Variants in RFESD observed in about 807,000 individuals in gnomAD.
RFESD encodes the protein Rieske Fe-S domain containing, also known as Rieske domain-containing protein.
RFESD carries 16 observed loss-of-function variants against 24.4 expected under a neutral mutation model. The observed-to-expected ratio is 0.66, with a 90% CI of 0.44 to 1.00. The LOEUF (loss-of-function observed/expected upper bound fraction) is 1.00, where lower values mean the gene tolerates loss of function less well. RFESD is among the 50% of genes least tolerant of loss of function. RFESD has a pLI of 0.00. For missense variants in RFESD, 208 were observed against 247.0 expected (o/e 0.84, Z 1.06); for synonymous variants, 59 against 81.8 (o/e 0.72, Z 1.50).
chr5:95,654,859 CTG>C (rs146609685), intron 5 of RFESD, among the ~76,000 whole-genome samples: 6,816 of 152,006 alleles, frequency 0.045, 206 homozygotes, highest in Middle Eastern at 0.082. Flanking sequence ...ACTGTATACA[CTG>C]TGCATAATTT....
chr5:95,651,871 A>T (rs1238496696), intron 1 of RFESD, among the ~76,000 whole-genome samples: 2 of 152,232 alleles, frequency 1.3e-5, no homozygotes, highest in Admixed American at 1.3e-4. Context: ...GGGAAAAGAG[A>T]GTAGTAATGG....
chr5:95,652,284 T>C lies in RFESD; in HGVS notation c.13T>C (p.Phe5Leu). 1 of 1,550,566 alleles carries C rather than the reference T, an allele frequency of 6.4e-7. No individual in the cohort carries two copies. The highest frequency in any genetic ancestry group is 2.4e-5 in the East Asian group (1 of 40,880). ...ACCTGACCTCTAAATGTTGAAGTGT[T>C]TCAGGAATTGTCTTAGACCTTCTTC... MLKC[F>L]RNCLRPSSLS... The change falls in exon 2 of 6, where the codon TTC becomes CTC. Residue 5 changes from phenylalanine (F) to leucine (L), a missense_variant. Transcript: ENST00000380005.
At position 95,656,361 on chromosome 5, in the gene RFESD, G is replaced by T. The variant is rs770878285; in HGVS notation, c.*52G>T. The T allele has an allele frequency of 7.1e-7, 1 of 1,413,134 alleles. No homozygotes were observed. Among genetic ancestry groups the T allele is most frequent in the South Asian group, 1.3e-5 (1 of 75,988 alleles). The allele number at this position is 1,413,134 out of a possible 1,614,324, so 87.5% of individuals were successfully genotyped here. ...TTGTGTATGCTTGAAAACATTTTTA[G>T]AATAACTCTGCTTCAGTTTTAAAGG... On this transcript the variant is annotated 3_prime_UTR_variant, in exon 6 of 6. Coordinates refer to ENST00000380005, the MANE Select transcript of RFESD (RefSeq NM_001131066.2).
At chr5:95,653,938 C>A in intron 3 of RFESD, 123 bp from the exon 4 acceptor site, 1 of 648,330 alleles carries the variant, frequency 1.5e-6, no homozygotes, top group Non-Finnish European at 2.7e-6. Flanking sequence ...TTTTATATAG[C>A]TACAGAAAGT....
At position 95,652,287 on chromosome 5, in the gene RFESD, A is replaced by G; in HGVS notation, c.16A>G (p.Arg6Gly). ...TGACCTCTAAATGTTGAAGTGTTTCAGGAATTGTCTTAGACCTTCTTCCTT... is the reference window on the plus strand; with the variant it reads ...TGACCTCTAAATGTTGAAGTGTTTCGGGAATTGTCTTAGACCTTCTTCCTT... MLKCF[R>G]NCLRPSSLST... The change falls in exon 2 of 6, where the codon AGG (arginine) becomes GGG (glycine). Residue 6 changes from arginine (R) to glycine (G), a missense_variant. By Grantham distance (125) the Arg-to-Gly change is moderately radical. Transcript: ENST00000380005. The G allele has an allele frequency of 6.5e-7, 1 of 1,549,470 alleles. No individual in the cohort carries two copies. The highest frequency in any genetic ancestry group is 8.7e-7 in the Non-Finnish European group (1 of 1,145,770).
chr5:95,654,120 T>C lies in RFESD; in HGVS notation c.218T>C (p.Val73Ala), dbSNP rs1750555287. The change falls in exon 4 of 6, where the codon GTG becomes GCG. Residue 73 changes from valine to alanine, a missense_variant. Coordinates refer to ENST00000380005, the MANE Select transcript of RFESD (RefSeq NM_001131066.2). ...PEKREYSSVCVGREDDIKKSE... is the reference protein window; with the variant it reads ...PEKREYSSVCAGREDDIKKSE... Reference sequence around the variant, plus strand: ...AAGAGGGAATATTCTTCTGTGTGTGTGGGCAGAGAAGATGACATTAAAAAA... The same window carrying C: ...AAGAGGGAATATTCTTCTGTGTGTGCGGGCAGAGAAGATGACATTAAAAAA... 6.2e-7 allele frequency: 1 copy of C among 1,611,660 alleles called. No individual in the cohort carries two copies. Among genetic ancestry groups the C allele is most frequent in the East Asian group, 2.2e-5 (1 of 44,828 alleles).
intron 1 of RFESD, chr5:95,648,138 A>G (rs557799398): frequency 6.6e-6 from 1 of 152,318 alleles, no homozygotes; most frequent in African/African-American, 2.4e-5. Context: ...GAGTTACACT[A>G]AATATTTTTT....
chr5:95,653,667 G>A lies in RFESD; in HGVS notation c.159-394G>A, dbSNP rs575088775. On this transcript the variant is annotated intron_variant, in intron 3 of 5. Transcript: ENST00000380005. ...TAATCCCAGCACTTTGGGAGACTGA[G>A]GTGGGTGGATTACTTGAGGTCAGGA... Among the ~76,000 whole-genome samples the A allele has an allele frequency of 3.9e-5, 6 of 152,320 alleles. No homozygotes were observed. In the South Asian group the frequency reaches 1.2e-3, roughly 32 times the overall value.
Position 95,652,132 on chromosome 5 carries a change from TCCAGG to T in RFESD, c.-135-4_-135del. 4 of 1,148,012 alleles carry T rather than the reference TCCAGG, an allele frequency of 3.5e-6. No individual in the cohort carries two copies. The highest frequency in any genetic ancestry group is 1.5e-5 in the African/African-American group (1 of 64,626). The allele number at this position is 1,148,012 out of a possible 1,614,324, so 71.1% of individuals were successfully genotyped here. A position where few individuals can be genotyped will look rare whatever the true frequency, so the allele number is the denominator to read the frequency against. On this transcript the variant is annotated splice_acceptor_variant and splice_polypyrimidine_tract_variant and 5_prime_UTR_variant and intron_variant, in exon 2 of 6. Transcript: ENST00000380005. LOFTEE classifies it low-confidence loss of function (5UTR_SPLICE). Reference sequence around the variant, plus strand: ...TGGCCTCATTGCCTGCCTTTTTTTTTCCAGGTTACCACCTATTTGCAATTCAAGGA... The same window carrying T: ...TGGCCTCATTGCCTGCCTTTTTTTTTTTACCACCTATTTGCAATTCAAGGA...
Position 95,653,223 on chromosome 5 carries a change from A to G in RFESD, c.158+9A>G. On this transcript the variant is annotated intron_variant, in intron 3 of 5. Coordinates refer to ENST00000380005, the MANE Select transcript of RFESD (RefSeq NM_001131066.2). The stretch of plus-strand genomic sequence containing the variant: ...ACCAGTTTTTATCTGAGGTAAGAAA[A>G]TGAAAGGTTTTCATTCATACCCACC... The G allele has an allele frequency of 1.3e-6, 2 of 1,551,648 alleles. No homozygotes were observed. Among genetic ancestry groups the G allele is most frequent in the Non-Finnish European group, 1.7e-6 (2 of 1,146,982 alleles).
At chr5:95,646,884 G>A (rs1394304497) in intron 1 of RFESD, 67 bp downstream of exon 1, 3 of 152,526 alleles carry the variant, frequency 2.0e-5, no homozygotes, top group African/African-American at 4.8e-5. Context: ...TGGGCTGCGG[G>A]CGTGGACTCC....
intron 1 of RFESD, among the ~76,000 whole-genome samples, chr5:95,650,865 G>C (rs571536258): frequency 1.3e-5 from 2 of 152,138 alleles, no homozygotes; most frequent in African/African-American, 2.4e-5. Flanking sequence ...TTGGGAGGCC[G>C]AGGCGGGCGG....
chr5:95,653,986 T>C, intron 3 of RFESD, 75 bp from the exon 4 acceptor site: 1 of 1,244,552 alleles, frequency 8.0e-7, no homozygotes, highest in Non-Finnish European at 1.1e-6. Context: ...CTATTCATTC[T>C]TAGGGTTATC....
At chr5:95,651,445 A>T (rs1003816978) in intron 1 of RFESD, among the ~76,000 whole-genome samples, 1 of 152,210 alleles carries the variant, frequency 6.6e-6, no homozygotes, top group Non-Finnish European at 1.5e-5. Flanking sequence ...CCCAGGCTGG[A>T]GTACAGTGGT....
At chr5:95,651,787 T>TC (rs1376056665) in intron 1 of RFESD, among the ~76,000 whole-genome samples, 8 of 152,198 alleles carry the variant, frequency 5.3e-5, no homozygotes, top group African/African-American at 7.2e-5. Flanking sequence ...TTGATTTTTT[T>TC]CCCACCTTTT....
chr5:95,651,648 A>G (rs1282170890), intron 1 of RFESD, among the ~76,000 whole-genome samples: 1 of 152,152 alleles, frequency 6.6e-6, no homozygotes, highest in Non-Finnish European at 1.5e-5. Context: ...TTTCCCACCC[A>G]GGCCTCCCAA....
At chr5:95,650,924 C>G (rs1750296455) in intron 1 of RFESD, among the ~76,000 whole-genome samples, 1 of 151,908 alleles carries the variant, frequency 6.6e-6, no homozygotes, top group Non-Finnish European at 1.5e-5. Flanking sequence ...TGGTGAAACC[C>G]CATCTCTACT....
chr5:95,651,097 C>CAAAA (rs1006612798), intron 1 of RFESD, among the ~76,000 whole-genome samples: 41 of 47,822 alleles, frequency 8.6e-4, no homozygotes, highest in African/African-American at 1.5e-3. Flanking sequence ...GACTCCGTCT[C>CAAAA]AAAAAAAAAA....
chr5:95,653,007 A>G, intron 2 of RFESD, 110 bp from the exon 3 acceptor site: 1 of 1,459,344 alleles, frequency 6.9e-7, no homozygotes, highest in Non-Finnish European at 9.1e-7. Context: ...AGCACTGCAC[A>G]ACCTGGCTCC....
Sources: gnomAD v4.1 joint callset for allele counts (sites outside exome capture counted in the v4.1 genomes callset) on GRCh38, gnomAD v4.1.1 for gene constraint, MANE v1.5 for transcripts, NCBI Gene and HGNC (gene_info 2026-07-23, HGNC 2026-07-21) for gene names.